TENM1: variants seen among roughly 807,000 people sequenced by gnomAD.
TENM1 encodes the protein teneurin transmembrane protein 1.
A neutral mutation model predicts 174.8 loss-of-function variants in TENM1; 35 were observed. The ratio of observed to expected loss-of-function variants is 0.20; its 90% confidence interval spans 0.15 to 0.27. The LOEUF is 0.27. Ranked by LOEUF, TENM1 falls within the 10% of genes least tolerant of loss-of-function variation. TENM1 has a pLI of 1.00. For missense variants in TENM1, 1,633 were observed against 2,130.1 expected (o/e 0.77, Z 4.59); for synonymous variants, 781 against 798.7 (o/e 0.98, Z 0.37).
intron 3 of TENM1, among the ~76,000 whole-genome samples, chrX:124,802,169 G>A (rs974459638): frequency 3.6e-5 from 4 of 111,764 alleles, no homozygotes; most frequent in African/African-American, 1.3e-4. Context: ...GGCATTGTGA[G>A]CATTTGGAGA....
rs5958532 is a variant in TENM1, at chrX:124,584,000, A to G, written c.2078-18440T>C. ...AGTTTAGAGAAAAAAGAATAAAAAG[A>G]AACGAACAAAGCCTCCAAGAAATAT... On this transcript the variant is annotated intron_variant, in intron 11 of 31. Transcript: ENST00000422452. 9.4e-3 allele frequency among the ~76,000 whole-genome samples: 1,031 copies of G among 110,074 alleles called. 11 individuals carry two copies. The highest frequency in any genetic ancestry group is 0.033 in the African/African-American group (986 of 30,236).
At chrX:124,773,533 C>G (rs758356722) in intron 3 of TENM1, among the ~76,000 whole-genome samples, 4 of 110,722 alleles carry the variant, frequency 3.6e-5, no homozygotes, top group African/African-American at 1.3e-4. Flanking sequence ...AAACAGGAGT[C>G]AAAACCAAGG....
At chrX:124,546,720 T>C (rs2048438566) in intron 15 of TENM1, among the ~76,000 whole-genome samples, 154 bp downstream of exon 18, 1 of 111,639 alleles carries the variant, frequency 9.0e-6, no homozygotes, top group African/African-American at 3.3e-5. Flanking sequence ...CCTTAATCAG[T>C]AAGGGTTTTG....
At chrX:125,061,523 G>C in the TENM1 span, among the ~76,000 whole-genome samples, 1 of 112,131 alleles carries the variant, frequency 8.9e-6, no homozygotes, top group Non-Finnish European at 1.9e-5. Context: ...AAGTTAAGCT[G>C]AAGAGATAAG....
chrX:125,103,891 G>A, the TENM1 span, among the ~76,000 whole-genome samples: 1 of 111,937 alleles, frequency 8.9e-6, no homozygotes, highest in Non-Finnish European at 1.9e-5. Flanking sequence ...GAGGCTGAGT[G>A]AGGCAGGAGA....
At chrX:124,494,761 T>C (rs1034799008) in intron 20 of TENM1, among the ~76,000 whole-genome samples, 2 of 106,253 alleles carry the variant, frequency 1.9e-5, no homozygotes, top group Non-Finnish European at 3.9e-5. Context: ...GAATATGCGG[T>C]GTTTGGTTTT....
chrX:124,464,688 A>T (rs1233131024), intron 22 of TENM1, among the ~76,000 whole-genome samples: 1 of 112,119 alleles, frequency 8.9e-6, no homozygotes, highest in Non-Finnish European at 1.9e-5. Context: ...AGAATATATG[A>T]ATATAACAAC....
At chrX:124,656,355 A>G (rs917127707) in intron 6 of TENM1, among the ~76,000 whole-genome samples, 1 of 112,578 alleles carries the variant, frequency 8.9e-6, no homozygotes, top group African/African-American at 3.2e-5. Context: ...TTCTCTGTTT[A>G]TTAGCAAGTC....
At chrX:124,454,715 T>G (rs1332089690) in intron 22 of TENM1, among the ~76,000 whole-genome samples, 1 of 112,037 alleles carries the variant, frequency 8.9e-6, no homozygotes, top group East Asian at 2.8e-4. Flanking sequence ...GGTCGTTATA[T>G]CATATGAAGT....
intron 3 of TENM1, among the ~76,000 whole-genome samples, chrX:124,799,619 G>A (rs774774057): frequency 4.5e-5 from 5 of 111,195 alleles, no homozygotes; most frequent in Non-Finnish European, 9.4e-5. Flanking sequence ...TGATTACCCT[G>A]CCAGAACTTA....
At chrX:125,117,536 C>G in the TENM1 span, among the ~76,000 whole-genome samples, 1 of 110,387 alleles carries the variant, frequency 9.1e-6, no homozygotes, top group African/African-American at 3.3e-5. Flanking sequence ...GAAACTCACA[C>G]ACCAGGGCCT....
At chrX:125,123,510 G>A in the TENM1 span, among the ~76,000 whole-genome samples, 1 of 111,147 alleles carries the variant, frequency 9.0e-6, no homozygotes, top group Non-Finnish European at 1.9e-5. Flanking sequence ...TTGGGAGGCT[G>A]AGGTAAGAGG....
intron 3 of TENM1, among the ~76,000 whole-genome samples, chrX:124,853,801 C>G (rs570212699): frequency 9.1e-6 from 1 of 110,232 alleles, no homozygotes; most frequent in East Asian, 2.9e-4. Flanking sequence ...ACCAGTCAAT[C>G]AGGTATGTGA....
chrX:124,660,567 GAATAGACATTTCTCCAAAGAAGACAGACT>G (rs2051573868), intron 6 of TENM1, among the ~76,000 whole-genome samples: 1 of 111,304 alleles, frequency 9.0e-6, no homozygotes, highest in Non-Finnish European at 1.9e-5. Context: ...CAAATGATCT[GAATAGACATTTCTCCAAAGAAGACAGACT>G]AATGACCAAT....
chrX:124,974,902 A>T, the TENM1 span, among the ~76,000 whole-genome samples: 2 of 92,038 alleles, frequency 2.2e-5, no homozygotes, highest in African/African-American at 8.8e-5. Context: ...ATATATATAT[A>T]AAATAATTTT....
chrX:124,946,402 C>T lies in TENM1; in HGVS notation c.217+17135G>A, dbSNP rs138624027. On this transcript the variant is annotated intron_variant, in intron 1 of 31. Coordinates refer to ENST00000422452, the Ensembl canonical transcript of TENM1. ...TTTTCTGTATATAAATGATATTAAC[C>T]GTATGAAAGAGGATGATCTGACCAA... is the stretch of plus-strand genomic sequence containing the variant. Among the ~76,000 whole-genome samples the T allele has an allele frequency of 7.8e-3, 867 of 111,142 alleles. 6 individuals are homozygous for T. Among genetic ancestry groups the T allele is most frequent in the Admixed American group, 0.016 (162 of 10,407 alleles).
chrX:124,520,140 A>C (rs1411318701), intron 18 of TENM1, among the ~76,000 whole-genome samples: 2 of 112,164 alleles, frequency 1.8e-5, no homozygotes, highest in Non-Finnish European at 3.8e-5. Context: ...GGAGATGGCC[A>C]TAAGTTAGAA....
At chrX:124,630,389 G>GC (rs2050730158) in intron 11 of TENM1, among the ~76,000 whole-genome samples, 1 of 111,963 alleles carries the variant, frequency 8.9e-6, no homozygotes, top group Admixed American at 9.5e-5. Context: ...AACATTCTTT[G>GC]CTAGCATGGA....
chrX:125,178,662 T>C, the TENM1 span, among the ~76,000 whole-genome samples: 1 of 111,897 alleles, frequency 8.9e-6, no homozygotes, highest in Non-Finnish European at 1.9e-5. Flanking sequence ...GGAAGTAACG[T>C]AGAGAAAGCT....
Sources: gnomAD v4.1 joint callset for allele counts (sites outside exome capture counted in the v4.1 genomes callset) on GRCh38, gnomAD v4.1.1 for gene constraint, MANE v1.5 for transcripts, NCBI Gene and HGNC (gene_info 2026-07-23, HGNC 2026-07-21) for gene names.